The following ADGRB3 variants were observed in gnomAD, a reference collection of about 807,000 sequenced individuals.
ADGRB3 encodes brain-specific angiogenesis inhibitor 3.
ADGRB3 carries 37 observed loss-of-function variants against 193.4 expected under a neutral mutation model. That is an observed-to-expected ratio of 0.19 (90% confidence interval 0.15 to 0.25). ADGRB3 has a LOEUF of 0.25. Among genes scored for constraint, ADGRB3 ranks in the 10% least tolerant of loss-of-function variants. The pLI, the probability that ADGRB3 is intolerant of heterozygous loss-of-function variation, is 1.00. For synonymous variants in ADGRB3, 690 were observed against 644.2 expected (o/e 1.07, Z -1.08); for missense variants, 1,637 against 1,852.9 (o/e 0.88, Z 2.14).
intron 3 of ADGRB3, among the ~76,000 whole-genome samples, chr6:68,861,038 C>T (rs1765138650): frequency 2.0e-5 from 3 of 152,098 alleles, no homozygotes; most frequent in Admixed American, 1.3e-4. Context: ...ACAGATGGAT[C>T]TTATTTTTCA....
rs942198424 is a variant in ADGRB3, at chr6:69,307,846, C to T, written c.2815-17026C>T. Among the ~76,000 whole-genome samples, 10 of 151,354 alleles carry T rather than the reference C, an allele frequency of 6.6e-5. 1 individual carries two copies. Among genetic ancestry groups the T allele is most frequent in the African/African-American group, 2.4e-4 (10 of 41,050 alleles). ...AAGGGTGTGACTGGCACAAATGTGACTCCATCTTTTCCACAGAGTCCCCAT... is the reference window on the plus strand; with the variant it reads ...AAGGGTGTGACTGGCACAAATGTGATTCCATCTTTTCCACAGAGTCCCCAT... On this transcript the variant is annotated intron_variant, in intron 20 of 31. Transcript: ENST00000370598.
intron 28 of ADGRB3, among the ~76,000 whole-genome samples, chr6:69,358,978 G>A (rs1769389629): frequency 6.6e-6 from 1 of 151,398 alleles, no homozygotes; most frequent in South Asian, 2.1e-4. Context: ...ATTGAAATGT[G>A]TTGGCTATAA....
intron 28 of ADGRB3, among the ~76,000 whole-genome samples, chr6:69,358,284 T>A (rs1375109995): frequency 6.6e-6 from 1 of 151,718 alleles, no homozygotes; most frequent in South Asian, 2.1e-4. Context: ...AAACTGGAGG[T>A]TGGGGTATAG....
At chr6:68,749,291 AC>A (rs1271246049) in intron 3 of ADGRB3, among the ~76,000 whole-genome samples, 1 of 152,084 alleles carries the variant, frequency 6.6e-6, no homozygotes, top group Non-Finnish European at 1.5e-5. Flanking sequence ...AATTTTCCAA[AC>A]TTTTATGCTC....
intron 22 of ADGRB3, among the ~76,000 whole-genome samples, chr6:69,329,418 A>G (rs1768659747): frequency 6.6e-6 from 1 of 152,216 alleles, no homozygotes; most frequent in Non-Finnish European, 1.5e-5. Context: ...CTCTTTGTGT[A>G]CATATATAAT....
chr6:68,833,575 T>TTTTTTTTTTTTTTTTTTTTTTTGAGACGG (rs1554202417), intron 3 of ADGRB3, among the ~76,000 whole-genome samples: 1 of 150,390 alleles, frequency 6.6e-6, no homozygotes, highest in East Asian at 2.0e-4. Context: ...ATTCTTATAT[T>TTTTTTTTTTTTTTTTTTTTTTTGAGACGG]AAAGAATGAA....
At chr6:68,810,447 G>A (rs898745227) in intron 3 of ADGRB3, among the ~76,000 whole-genome samples, 1 of 152,144 alleles carries the variant, frequency 6.6e-6, no homozygotes, top group African/African-American at 2.4e-5. Flanking sequence ...TGGTTCAGTC[G>A]TTGTTGAGGC....
At chr6:69,322,407 T>C (rs1401107261) in intron 20 of ADGRB3, among the ~76,000 whole-genome samples, 3 of 151,976 alleles carry the variant, frequency 2.0e-5, no homozygotes, top group Non-Finnish European at 2.9e-5. Flanking sequence ...TTTCTGTCTT[T>C]AGGTCTCTGA....
chr6:69,273,258 G>A (rs573791561), intron 20 of ADGRB3, among the ~76,000 whole-genome samples: 8 of 152,296 alleles, frequency 5.3e-5, no homozygotes, highest in African/African-American at 1.9e-4. Context: ...GTTAGTTCTA[G>A]TAGGGTTCTG....
intron 20 of ADGRB3, among the ~76,000 whole-genome samples, chr6:69,291,999 A>G (rs185258246): frequency 2.6e-5 from 4 of 152,210 alleles, no homozygotes; most frequent in African/African-American, 9.6e-5. Context: ...ATCTGAAAAA[A>G]CAAGCCTTGC....
chr6:68,905,501 A>T (rs1476562225), intron 3 of ADGRB3, among the ~76,000 whole-genome samples: 9 of 152,218 alleles, frequency 5.9e-5, no homozygotes, highest in Admixed American at 5.9e-4. Flanking sequence ...TGTATTTTGT[A>T]GCAAATAGGC....
In ADGRB3 at chr6:69,361,021, A is replaced by G. The variant is rs374374073; in HGVS notation, c.3748A>G (p.Ile1250Val). ...LPGNVISKVI[I>V]QQPTGLHMPM... is the part of the protein sequence containing the mutation. ...TGGAAATGTCATTTCCAAAGTCATCATCCAGCAACCCACAGGTTTGCACAT... is the reference window on the plus strand; with the variant it reads ...TGGAAATGTCATTTCCAAAGTCATCGTCCAGCAACCCACAGGTTTGCACAT... The change falls in exon 29 of 32, where the codon ATC becomes GTC. Residue 1250 changes from isoleucine (I) to valine (V), a missense_variant. Coordinates refer to ENST00000370598, the MANE Select transcript of ADGRB3 (RefSeq NM_001704.3). The G allele has an allele frequency of 6.2e-7, 1 of 1,612,720 alleles. No individual in the cohort carries two copies. The highest frequency in any genetic ancestry group is 8.5e-7 in the Non-Finnish European group (1 of 1,179,226).
intron 8 of ADGRB3, among the ~76,000 whole-genome samples, chr6:68,958,268 TA>T (rs989451369): frequency 3.9e-5 from 6 of 152,192 alleles, no homozygotes; most frequent in Admixed American, 3.3e-4. Context: ...TGATAAAAAG[TA>T]ACCAGCATGC....
At chr6:68,648,289 C>T (rs1183008623) in intron 3 of ADGRB3, among the ~76,000 whole-genome samples, 1 of 151,990 alleles carries the variant, frequency 6.6e-6, no homozygotes, top group East Asian at 1.9e-4. Flanking sequence ...ATAACCAGTC[C>T]CTATCACACA....
chr6:68,883,594 C>G (rs1050219337), intron 3 of ADGRB3, among the ~76,000 whole-genome samples: 10 of 151,930 alleles, frequency 6.6e-5, no homozygotes, highest in African/African-American at 2.2e-4. Flanking sequence ...GTGAACAACT[C>G]TGGACTGGAG....
intron 3 of ADGRB3, among the ~76,000 whole-genome samples, chr6:68,831,256 A>G (rs950565979): frequency 6.7e-6 from 1 of 149,914 alleles, no homozygotes; most frequent in Admixed American, 6.7e-5. Context: ...GCCCAAGGCT[A>G]CTCACTTAGG....
intron 3 of ADGRB3, among the ~76,000 whole-genome samples, chr6:68,925,737 C>T (rs1767161818): frequency 1.3e-5 from 2 of 151,844 alleles, no homozygotes; most frequent in Admixed American, 1.3e-4. Context: ...AAATGTAGCT[C>T]AATAATATTT....
At chr6:69,339,057 C>T in intron 25 of ADGRB3, 43 bp downstream of exon 25, 1 of 1,593,622 alleles carries the variant, frequency 6.3e-7, no homozygotes, top group Non-Finnish European at 8.6e-7. Flanking sequence ...AAATCTTTTA[C>T]AGTGCATGTG....
intron 13 of ADGRB3, among the ~76,000 whole-genome samples, chr6:69,022,138 G>A (rs1582400147): frequency 1.3e-5 from 2 of 151,714 alleles, no homozygotes; most frequent in Non-Finnish European, 3.0e-5. Context: ...AAGACTAAAT[G>A]CTCTGCTAAA....
Sources: allele counts gnomAD v4.1 joint callset (sites outside exome capture counted in the v4.1 genomes callset), GRCh38; gene constraint gnomAD v4.1.1; transcripts MANE v1.5; gene names NCBI Gene and HGNC (gene_info 2026-07-23, HGNC 2026-07-21).